The following NINJ2 variants were observed in gnomAD, a reference collection of about 807,000 sequenced individuals.
NINJ2 encodes the protein ninjurin 2, also known as ninjurin-2.
A neutral mutation model predicts 11.7 loss-of-function variants in NINJ2; 12 were observed. The ratio of observed to expected loss-of-function variants is 1.02; its 90% CI spans 0.66 to 1.66. The LOEUF is 1.66. Ranked by LOEUF, NINJ2 falls within the 40% of genes most tolerant of loss-of-function variation. NINJ2 has a pLI of 0.00. For synonymous variants in NINJ2, 93 were observed against 76.8 expected (o/e 1.21, Z -1.10); for missense variants, 187 against 181.8 (o/e 1.03, Z -0.16).
chr12:648,996 G>GTCTGCCTA (rs10633920), intron 1 of NINJ2, among the ~76,000 whole-genome samples: 346 of 149,004 alleles, frequency 2.3e-3, no homozygotes, highest in South Asian at 5.8e-3. Flanking sequence ...CTATCTATCT[G>GTCTGCCTA]TCTATCTATC....
chr12:647,052 C>A (rs1450050481), intron 1 of NINJ2, among the ~76,000 whole-genome samples: 1 of 152,166 alleles, frequency 6.6e-6, no homozygotes, highest in South Asian at 2.1e-4. Context: ...TTCCACATTG[C>A]CCCCTGCCCT....
intron 1 of NINJ2, among the ~76,000 whole-genome samples, chr12:619,097 T>C (rs1300485186): frequency 6.6e-6 from 1 of 151,960 alleles, no homozygotes; most frequent in East Asian, 1.9e-4. Flanking sequence ...CGCAATTTCT[T>C]TTGAGGAGAG....
chr12:641,844 CAAAA>C (rs10549771), intron 1 of NINJ2, among the ~76,000 whole-genome samples: 167 of 116,840 alleles, frequency 1.4e-3, no homozygotes, highest in African/African-American at 5.2e-3. Flanking sequence ...GACTCCGTCT[CAAAA>C]AAAAAAAAAA....
chr12:638,797 T>C (rs1487592372), intron 1 of NINJ2, among the ~76,000 whole-genome samples: 1 of 152,152 alleles, frequency 6.6e-6, no homozygotes, highest in East Asian at 1.9e-4. Flanking sequence ...ATTCTTGAAT[T>C]CCCCCACAAA....
At chr12:661,233 C>T (rs1244152391) in intron 1 of NINJ2, among the ~76,000 whole-genome samples, 1 of 152,108 alleles carries the variant, frequency 6.6e-6, no homozygotes, top group Non-Finnish European at 1.5e-5. Context: ...TGCATGCCAC[C>T]ATGCCTAGCT....
intron 1 of NINJ2, among the ~76,000 whole-genome samples, chr12:599,607 G>A (rs886179975): frequency 6.6e-6 from 1 of 152,206 alleles, no homozygotes; most frequent in South Asian, 2.1e-4. Context: ...AAACAACTCA[G>A]AGAGGTTAAG....
chr12:568,876 A>ACCCCCCCC (rs5795931), intron 1 of NINJ2, among the ~76,000 whole-genome samples: 18 of 112,818 alleles, frequency 1.6e-4, no homozygotes, highest in Non-Finnish European at 1.9e-4. Flanking sequence ...CTGTGAGGAC[A>ACCCCCCCC]CCCCCCCCCC....
rs113969650 is a variant in NINJ2, at chr12:581,236, A to G, written c.34-15058T>C. 0.062 allele frequency among the ~76,000 whole-genome samples: 9,405 copies of G among 152,000 alleles called. 387 individuals are homozygous for G. Among genetic ancestry groups the G allele is most frequent in the Middle Eastern group, 0.13 (37 of 294 alleles). ...GTCTATTGTCCCTGAGCTCAGCAGTATCCTGGGTCCTGGCCATAGACCTGT... is the reference window on the plus strand; with the variant it reads ...GTCTATTGTCCCTGAGCTCAGCAGTGTCCTGGGTCCTGGCCATAGACCTGT... On this transcript the variant is annotated intron_variant, in intron 1 of 3. Coordinates refer to ENST00000305108, the MANE Select transcript of NINJ2 (RefSeq NM_016533.6). This position sits in a 1 kb window ranked among gnomAD's most constrained non-coding sequence, Gnocchi z 4.9.
At chr12:620,263 C>A (rs1565638058) in intron 1 of NINJ2, among the ~76,000 whole-genome samples, 1 of 152,238 alleles carries the variant, frequency 6.6e-6, no homozygotes. Context: ...GGGCCCCAAA[C>A]TACTTCACTA....
At chr12:652,178 GA>G (rs1274480435) in intron 1 of NINJ2, among the ~76,000 whole-genome samples, 3 of 151,028 alleles carry the variant, frequency 2.0e-5, no homozygotes, top group African/African-American at 4.9e-5. Context: ...GAATACACAA[GA>G]AAAAAAAATC....
At chr12:629,896 A>AAAAAAAAAAAAAAAAATATATAT in intron 1 of NINJ2, among the ~76,000 whole-genome samples, 4 of 9,898 alleles carry the variant, frequency 4.0e-4, no homozygotes, top group Non-Finnish European at 9.4e-4. Flanking sequence ...AAAAAAAAAA[A>AAAAAAAAAAAAAAAAATATATAT]ATATATATAT....
intron 1 of NINJ2, among the ~76,000 whole-genome samples, chr12:615,354 C>T (rs1308884151): frequency 6.6e-6 from 1 of 152,040 alleles, no homozygotes. Flanking sequence ...TTTGGGAGGC[C>T]GAGGCAGGTG....
At chr12:659,189 C>T (rs1937922864) in intron 1 of NINJ2, among the ~76,000 whole-genome samples, 1 of 151,904 alleles carries the variant, frequency 6.6e-6, no homozygotes, top group African/African-American at 2.4e-5. Context: ...ACCTCCACTC[C>T]CATCTCATTC....
chr12:617,584 C>G (rs959064476), intron 1 of NINJ2, among the ~76,000 whole-genome samples: 2 of 152,210 alleles, frequency 1.3e-5, no homozygotes, highest in Non-Finnish European at 2.9e-5. Flanking sequence ...AAGGCTCAGG[C>G]TGCTGTGCTT....
In NINJ2 at chr12:606,551, A is replaced by G. The variant is rs1947944537; in HGVS notation, c.34-40373T>C. ...AATGAGGAACAACTCACCCCAAGCCACATCATTGTCAGCTTTTGGAACTGG... is the reference window on the plus strand; with the variant it reads ...AATGAGGAACAACTCACCCCAAGCCGCATCATTGTCAGCTTTTGGAACTGG... On this transcript the variant is annotated intron_variant, in intron 1 of 3. Transcript: ENST00000305108. Among the ~76,000 whole-genome samples, 3 of 152,216 alleles carry G rather than the reference A, an allele frequency of 2.0e-5. No individual in the cohort carries two copies. In the South Asian group the frequency reaches 6.2e-4, roughly 31 times the overall value.
chr12:615,803 G>A (rs1948085006), intron 1 of NINJ2, among the ~76,000 whole-genome samples: 1 of 152,212 alleles, frequency 6.6e-6, no homozygotes, highest in Non-Finnish European at 1.5e-5. Context: ...CCAAGCACAG[G>A]AAATGTGCCT....
At chr12:574,773 A>G (rs1338981369) in intron 1 of NINJ2, among the ~76,000 whole-genome samples, 1 of 152,208 alleles carries the variant, frequency 6.6e-6, no homozygotes, top group Non-Finnish European at 1.5e-5. Context: ...ACCAAGACAT[A>G]CCCCCAGAAG....
At chr12:641,782 T>C (rs538991576) in intron 1 of NINJ2, among the ~76,000 whole-genome samples, 1 of 133,418 alleles carries the variant, frequency 7.5e-6, no homozygotes, top group East Asian at 2.0e-4. Flanking sequence ...GAGGTGGAGG[T>C]TGCAGTGAGC....
chr12:601,615 G>A (rs1947874932), intron 1 of NINJ2, among the ~76,000 whole-genome samples: 1 of 152,120 alleles, frequency 6.6e-6, no homozygotes, highest in Non-Finnish European at 1.5e-5. Flanking sequence ...TGTAATCCCA[G>A]CACTTTGGGA....
Sources: gnomAD v4.1 joint callset for allele counts (sites outside exome capture counted in the v4.1 genomes callset) on GRCh38, gnomAD v4.1.1 for gene constraint, Gnocchi (gnomAD v3.1) non-coding constraint, MANE v1.5 for transcripts, NCBI Gene and HGNC (gene_info 2026-07-23, HGNC 2026-07-21) for gene names.